The following SBNO1 variants were observed in gnomAD, a reference collection of about 807,000 sequenced individuals.
SBNO1 encodes the protein protein strawberry notch homolog 1.
SBNO1 carries 23 observed loss-of-function variants against 173.6 expected under a neutral mutation model. The ratio of observed to expected loss-of-function variants is 0.13; its 90% CI spans 0.10 to 0.19. The LOEUF is 0.19. Ranked by LOEUF, SBNO1 falls within the 10% of genes least tolerant of loss-of-function variation. The probability of loss-of-function intolerance (pLI) is 1.00; values close to 1 mark genes in which losing one functional copy is unlikely to be tolerated. For missense variants in SBNO1, 1,238 were observed against 1,671.2 expected, an observed-to-expected ratio of 0.74 and a Z score of 4.52; for synonymous variants, 632 against 571.5, an observed-to-expected ratio of 1.11 and a Z score of -1.51.
At chr12:123,344,010 G>A (rs540844711) in intron 4 of SBNO1, among the ~76,000 whole-genome samples, 3 of 152,192 alleles carry the variant, frequency 2.0e-5, no homozygotes, top group Admixed American at 6.5e-5. Context: ...AATCTATCCC[G>A]TTTTCTGTTG....
chr12:123,317,604 T>C (rs916920312), intron 20 of SBNO1, among the ~76,000 whole-genome samples: 1 of 152,166 alleles, frequency 6.6e-6, no homozygotes, highest in South Asian at 2.1e-4. Flanking sequence ...CATCCCCTTG[T>C]CTCCTCTCTG....
In SBNO1 at chr12:123,327,827, A is replaced by G. The variant is rs1870769453; in HGVS notation, c.1433-15T>C. On this transcript the variant is annotated splice_polypyrimidine_tract_variant and intron_variant, in intron 11 of 31. Coordinates refer to ENST00000602398, the MANE Select transcript of SBNO1 (RefSeq NM_001167856.3). ...TTCAGAAGCACCTGAAAATCCCACA[A>G]ATGAAATATATTATAGTTGAAAAAA... 6 of 1,609,782 alleles carry G rather than the reference A, an allele frequency of 3.7e-6. No individual in the cohort carries two copies. Among genetic ancestry groups the G allele is most frequent in the Middle Eastern group, 3.3e-4 (2 of 6,056 alleles).
At chr12:123,346,663 C>CAAAAAAT (rs1204264091) in intron 3 of SBNO1, among the ~76,000 whole-genome samples, 1 of 151,584 alleles carries the variant, frequency 6.6e-6, no homozygotes, top group Admixed American at 6.6e-5. Flanking sequence ...GACTCCATCT[C>CAAAAAAT]AAAAAATAAA....
At chr12:123,347,784 C>T (rs1230190469) in intron 3 of SBNO1, among the ~76,000 whole-genome samples, 1 of 152,112 alleles carries the variant, frequency 6.6e-6, no homozygotes, top group African/African-American at 2.4e-5. Context: ...ATCCACCCAC[C>T]TTGGCCTCCC....
chr12:123,313,527 A>G (rs10846513), intron 24 of SBNO1, 93 bp downstream of exon 24: 19,241 of 664,130 alleles, frequency 0.029, 418 homozygotes, highest in Admixed American at 0.056. Flanking sequence ...ATGTCCAAAG[A>G]AAAAAACTAA....
At position 123,331,256 on chromosome 12, in the gene SBNO1, T is replaced by C. The variant is rs1448852950; in HGVS notation, c.1029A>G (p.Arg343=). The change falls in exon 8 of 32, where the codon AGA becomes AGG. Residue 343 remains arginine, a synonymous_variant. Coordinates refer to ENST00000602398, the MANE Select transcript of SBNO1 (RefSeq NM_001167856.3). The part of the protein sequence containing the change: ...GIIYENYLLS[R]KRALWFSVSN... The stretch of plus-strand genomic sequence containing the variant: ...TAAACACTTACCACAATGCTCGTTT[T>C]CTACTCAACAAATAATTTTCATAGA... The C allele has an allele frequency of 6.2e-7, 1 of 1,613,938 alleles. No individual in the cohort carries two copies. The highest frequency in any genetic ancestry group is 1.3e-5 in the African/African-American group (1 of 75,038).
intron 1 of SBNO1, among the ~76,000 whole-genome samples, chr12:123,358,835 C>T (rs1376451701): frequency 2.0e-5 from 3 of 151,672 alleles, no homozygotes; most frequent in Admixed American, 2.0e-4. Context: ...GGTCTGACAC[C>T]ACATCACTCC....
chr12:123,312,606 G>A (rs532831512), intron 24 of SBNO1, among the ~76,000 whole-genome samples: 1 of 151,908 alleles, frequency 6.6e-6, no homozygotes, highest in Non-Finnish European at 1.5e-5. Flanking sequence ...CAGCTACTCG[G>A]GAGGTTCAGG....
intron 8 of SBNO1, among the ~76,000 whole-genome samples, 156 bp from the exon 9 acceptor site, chr12:123,330,665 G>C (rs974548850): frequency 2.0e-5 from 3 of 150,968 alleles, no homozygotes; most frequent in South Asian, 2.1e-4. Context: ...ACTGAGTGCA[G>C]TGGCTCACAC....
rs527524266 is a variant in SBNO1 at position 123,350,232 on chromosome 12, CCA to C, written c.132+76_132+77del. ...CTGCACCACTGCACCCCAGCCTGGG[CCA>C]CAGAGTGAGACTATCTTAAAAAAAA... On this transcript the variant is annotated intron_variant, in intron 2 of 31. Transcript: ENST00000602398. The C allele has an allele frequency of 7.1e-5, 109 of 1,535,560 alleles. No homozygotes were observed. In the African/African-American group the frequency reaches 1.3e-3, roughly 18 times the overall value.
At chr12:123,312,262 C>T (rs918072814) in intron 24 of SBNO1, among the ~76,000 whole-genome samples, 21 of 152,028 alleles carry the variant, frequency 1.4e-4, no homozygotes, top group African/African-American at 5.1e-4. Flanking sequence ...TCTGACACTC[C>T]TGATGTCAAA....
At chr12:123,343,122 A>T (rs1052793363) in intron 4 of SBNO1, among the ~76,000 whole-genome samples, 5 of 152,100 alleles carry the variant, frequency 3.3e-5, no homozygotes, top group Admixed American at 2.6e-4. Flanking sequence ...AATCCCAGCT[A>T]TTTGGGAGGC....
At chr12:123,308,105 A>G (rs996230369) in intron 28 of SBNO1, among the ~76,000 whole-genome samples, 3 of 152,092 alleles carry the variant, frequency 2.0e-5, no homozygotes, top group East Asian at 1.9e-4. Context: ...ACAACCCCAA[A>G]TATCTTAGAG....
Position 123,302,811 on chromosome 12 carries a change from C to T in SBNO1, c.3845+13G>A, listed in dbSNP as rs564683935. On this transcript the variant is annotated intron_variant, in intron 30 of 31. Transcript: ENST00000602398. ...ATTTTGGAAAATTTGGTAGGAAACA[C>T]GAAAATACTAACCAATAAGCATGAG... 6.2e-6 allele frequency: 10 copies of T among 1,605,872 alleles called. No homozygotes were observed. The highest frequency in any genetic ancestry group is 4.5e-5 in the East Asian group (2 of 44,804).
rs914225973 is a variant in SBNO1, at chr12:123,348,130, C to G, written c.136G>C (p.Val46Leu). Residue 46 changes from valine to leucine, a missense_variant, in exon 3 of 32, where the codon GTG becomes CTG. Physicochemically the swap from Val to Leu is conservative, Grantham distance 32. Coordinates refer to ENST00000602398, the MANE Select transcript of SBNO1 (RefSeq NM_001167856.3). ...PMPTPSVQQSVPLSALELGLE... is the reference protein window; with the variant it reads ...PMPTPSVQQSLPLSALELGLE... ...CCTAGTTCTAATGCACTAAGTGGCA[C>G]TGACTGGAGAGAAAACAACATCAGA... 3.2e-6 allele frequency: 5 copies of G among 1,586,388 alleles called. No individual in the cohort carries two copies. Among genetic ancestry groups the G allele is most frequent in the Admixed American group, 1.7e-5 (1 of 58,586 alleles).
intron 5 of SBNO1, among the ~76,000 whole-genome samples, chr12:123,336,939 C>G (rs1035800309): frequency 7.2e-5 from 11 of 152,206 alleles, no homozygotes; most frequent in African/African-American, 2.7e-4. Flanking sequence ...TGCATCACCA[C>G]AAGCAAGGCC....
At position 123,312,152 on chromosome 12, in the gene SBNO1, AC is replaced by A. The variant is rs369823568; in HGVS notation, c.3221-1024del. Among the ~76,000 whole-genome samples, 570 of 150,450 alleles carry A rather than the reference AC, an allele frequency of 3.8e-3. 4 individuals carry two copies. Among genetic ancestry groups the A allele is most frequent in the African/African-American group, 0.013 (527 of 40,854 alleles). ...TGCAGTGGTGCCATCACAGCTCACT[AC>A]AGCCTCCACCTCCTAGGCTCAAGCA... On this transcript the variant is annotated intron_variant, in intron 24 of 31. Transcript: ENST00000602398.
Position 123,325,487 on chromosome 12 carries a change from G to C in SBNO1, c.1973+15C>G. 11 of 1,565,260 alleles carry C rather than the reference G, an allele frequency of 7.0e-6. No individual in the cohort carries two copies. The highest frequency in any genetic ancestry group is 9.7e-6 in the Non-Finnish European group (11 of 1,137,144). ...TCAAAAAGAAACAAAAACATTAAAAGAACAAAAACATTACTTGGCAGTTGA... is the reference window on the plus strand; with the variant it reads ...TCAAAAAGAAACAAAAACATTAAAACAACAAAAACATTACTTGGCAGTTGA... On this transcript the variant is annotated intron_variant, in intron 15 of 31. Transcript: ENST00000602398.
At chr12:123,359,655 A>G (rs563758784) in intron 1 of SBNO1, among the ~76,000 whole-genome samples, 3 of 152,296 alleles carry the variant, frequency 2.0e-5, no homozygotes, top group Admixed American at 6.5e-5. Context: ...AAAATATTTG[A>G]AAAGCATGAC....
Sources: allele counts gnomAD v4.1 joint callset (sites outside exome capture counted in the v4.1 genomes callset), GRCh38; gene constraint gnomAD v4.1.1; transcripts MANE v1.5; gene names NCBI Gene and HGNC (gene_info 2026-07-23, HGNC 2026-07-21).